The following IL1RAP variants were observed in gnomAD, a reference collection of about 807,000 sequenced individuals.
IL1RAP encodes interleukin-1 receptor accessory protein.
IL1RAP carries 35 observed loss-of-function variants against 60.7 expected under a neutral mutation model. The ratio of observed to expected loss-of-function variants is 0.58; its 90% CI spans 0.44 to 0.76. The LOEUF (loss-of-function observed/expected upper bound fraction) is 0.76, where lower values mean the gene tolerates loss of function less well. IL1RAP is among the 30% of genes least tolerant of loss of function. The pLI is 0.00. For synonymous variants in IL1RAP, 268 were observed against 250.9 expected (o/e 1.07, Z -0.64); for missense variants, 572 against 693.9 (o/e 0.82, Z 1.97).
At chr3:190,538,046 G>T (rs1012974024) in intron 1 of IL1RAP, among the ~76,000 whole-genome samples, 1 of 151,340 alleles carries the variant, frequency 6.6e-6, no homozygotes. Flanking sequence ...ATTCTTTCTG[G>T]TCCCTAAGTA....
At chr3:190,587,772 G>T (rs994037136) in intron 3 of IL1RAP, among the ~76,000 whole-genome samples, 1 of 152,146 alleles carries the variant, frequency 6.6e-6, no homozygotes, top group Non-Finnish European at 1.5e-5. Context: ...AAACCAAGGG[G>T]CTGAGTAAGA....
rs150761869 is a variant in IL1RAP at position 190,601,288 on chromosome 3, C to T, written c.65-2840C>T. 5.3e-4 allele frequency among the ~76,000 whole-genome samples: 81 copies of T among 152,282 alleles called. 1 individual carries two copies. Among genetic ancestry groups the T allele is most frequent in the African/African-American group, 1.9e-3 (81 of 41,570 alleles). Reference sequence around the variant, plus strand: ...CGTGAGCCACCATGCCCAGCCAAAACTTTGGTTATACTTTTATATAAACTG... The same window carrying T: ...CGTGAGCCACCATGCCCAGCCAAAATTTTGGTTATACTTTTATATAAACTG... On this transcript the variant is annotated intron_variant, in intron 3 of 11. Coordinates refer to ENST00000447382, the MANE Select transcript of IL1RAP (RefSeq NM_002182.4).
At position 190,644,247 on chromosome 3, in the gene IL1RAP, G is replaced by A. The variant is rs774285054; in HGVS notation, c.1052-1G>A. On this transcript the variant is annotated splice_acceptor_variant, in intron 9 of 11. Transcript: ENST00000447382. LOFTEE classifies it high-confidence loss of function. ...TTCTGTTTCTTTGTTGTTCATTCCAGTGCCAGCTCCAAGATACACAGTGGA... is the reference window on the plus strand; with the variant it reads ...TTCTGTTTCTTTGTTGTTCATTCCAATGCCAGCTCCAAGATACACAGTGGA... The A allele has an allele frequency of 6.2e-7, 1 of 1,611,848 alleles. No homozygotes were observed. The highest frequency in any genetic ancestry group is 1.7e-5 in the Admixed American group (1 of 59,624).
chr3:190,640,946 T>C (rs1215787517), intron 9 of IL1RAP, among the ~76,000 whole-genome samples: 1 of 152,134 alleles, frequency 6.6e-6, no homozygotes, highest in African/African-American at 2.4e-5. Context: ...GTCTTTCTGA[T>C]AGGAAATTCT....
intron 9 of IL1RAP, among the ~76,000 whole-genome samples, chr3:190,633,142 A>T (rs2108828384): frequency 6.6e-6 from 1 of 152,258 alleles, no homozygotes; most frequent in Admixed American, 6.5e-5. Flanking sequence ...GCCTGATGAT[A>T]TTTTGATTGT....
chr3:190,546,910 G>A (rs537586440), intron 1 of IL1RAP, among the ~76,000 whole-genome samples: 19 of 152,246 alleles, frequency 1.2e-4, no homozygotes, highest in Admixed American at 1.0e-3. Context: ...TGAGAAAATC[G>A]CCCCTTGAAA....
intron 4 of IL1RAP, among the ~76,000 whole-genome samples, 176 bp from the exon 5 acceptor site, chr3:190,608,819 C>G (rs1730576465): frequency 1.4e-5 from 1 of 73,452 alleles, no homozygotes; most frequent in Admixed American, 1.5e-4. Flanking sequence ...TTTTTTTATT[C>G]TGTGATGTCA....
intron 1 of IL1RAP, among the ~76,000 whole-genome samples, chr3:190,525,091 G>C (rs533395481): frequency 3.3e-5 from 5 of 152,134 alleles, no homozygotes; most frequent in Non-Finnish European, 5.9e-5. Flanking sequence ...AAACAGAGGT[G>C]TTGAAGTGTT....
At chr3:190,624,389 T>G (rs185664284) in intron 7 of IL1RAP, among the ~76,000 whole-genome samples, 28 of 152,344 alleles carry the variant, frequency 1.8e-4, no homozygotes, top group African/African-American at 6.7e-4. Context: ...CTGGCCTTTG[T>G]GCAAGATAGT....
chr3:190,567,803 T>C (rs1356948392), intron 3 of IL1RAP, among the ~76,000 whole-genome samples: 1 of 152,210 alleles, frequency 6.6e-6, no homozygotes, highest in Non-Finnish European at 1.5e-5. Flanking sequence ...TAATACAAAA[T>C]TCAAACCCAA....
At chr3:190,625,849 A>G (rs1312748589) in intron 7 of IL1RAP, among the ~76,000 whole-genome samples, 1 of 150,506 alleles carries the variant, frequency 6.6e-6, no homozygotes, top group Non-Finnish European at 1.5e-5. Flanking sequence ...TAACATAAAT[A>G]TATTTGTCTA....
chr3:190,600,656 A>G (rs1461027885), intron 3 of IL1RAP, among the ~76,000 whole-genome samples: 1 of 152,214 alleles, frequency 6.6e-6, no homozygotes, highest in Non-Finnish European at 1.5e-5. Flanking sequence ...CACAAGTAGG[A>G]CTGACTACAT....
intron 1 of IL1RAP, among the ~76,000 whole-genome samples, chr3:190,527,826 TACACACACACACACAC>T (rs10602405): frequency 0.014 from 2,007 of 139,690 alleles, 57 homozygotes; most frequent in African/African-American, 0.05. Flanking sequence ...AGGAAAGGTC[TACACACACACACACAC>T]ACACACACAC....
In IL1RAP at chr3:190,637,134, C is replaced by T. The variant is rs563713927; in HGVS notation, c.1052-7114C>T. 2.6e-5 allele frequency among the ~76,000 whole-genome samples: 4 copies of T among 152,258 alleles called. 1 individual carries two copies. In the South Asian group the frequency reaches 8.3e-4, roughly 32 times the overall value. On this transcript the variant is annotated intron_variant, in intron 9 of 11. Transcript: ENST00000447382. ...TTTTGCATGAATTACAGTGTACCAA[C>T]ATGTATTGTGAAAGTTTGGCTTTAA... is the stretch of plus-strand genomic sequence containing the variant.
chr3:190,603,099 C>T (rs1021495627), intron 3 of IL1RAP, among the ~76,000 whole-genome samples: 3 of 151,858 alleles, frequency 2.0e-5, no homozygotes, highest in Non-Finnish European at 4.4e-5. Context: ...GAAGCCATTA[C>T]GCACAAGGAC....
At chr3:190,535,053 T>G (rs565446439) in intron 1 of IL1RAP, among the ~76,000 whole-genome samples, 1 of 152,238 alleles carries the variant, frequency 6.6e-6, no homozygotes, top group Admixed American at 6.5e-5. Flanking sequence ...GTCTGTACTG[T>G]GTATTGCAGG....
At chr3:190,514,744 G>A (rs892447168) in intron 1 of IL1RAP, among the ~76,000 whole-genome samples, 2 of 152,198 alleles carry the variant, frequency 1.3e-5, no homozygotes, top group East Asian at 1.9e-4. Context: ...CCCTTCAGAG[G>A]GTGTCGGACC....
At chr3:190,624,358 A>C (rs781175516) in intron 7 of IL1RAP, among the ~76,000 whole-genome samples, 149 of 152,188 alleles carry the variant, frequency 9.8e-4, no homozygotes, top group Admixed American at 1.4e-3. Context: ...TCACAGAAAT[A>C]TTATTTGTTT....
At chr3:190,576,914 G>C (rs1966468) in intron 3 of IL1RAP, among the ~76,000 whole-genome samples, 110,024 of 151,306 alleles carry the variant, frequency 0.73, 41,229 homozygotes, top group East Asian at 1. Context: ...GAGATCGAGA[G>C]CACGGTGAAA....
Sources: gnomAD v4.1 joint callset for allele counts (sites outside exome capture counted in the v4.1 genomes callset) on GRCh38, gnomAD v4.1.1 for gene constraint, MANE v1.5 for transcripts, NCBI Gene and HGNC (gene_info 2026-07-23, HGNC 2026-07-21) for gene names.